Variants in PDE4D observed in about 807,000 individuals in gnomAD.
PDE4D encodes the protein phosphodiesterase 4D.
Under a neutral mutation model 87.4 loss-of-function variants are expected in PDE4D, and 24 were observed. That is an observed-to-expected ratio of 0.27 (90% CI 0.20 to 0.39). The LOEUF is 0.39. PDE4D is among the 10% of genes least tolerant of loss of function. The pLI is 1.00. For missense variants in PDE4D, 714 were observed against 1,041.0 expected, an observed-to-expected ratio of 0.69 and a Z score of 4.32; for synonymous variants, 384 against 383.2, an observed-to-expected ratio of 1.00 and a Z score of -0.02.
At chr5:60,266,444 G>T (rs1750222229) in intron 1 of PDE4D, among the ~76,000 whole-genome samples, 1 of 152,176 alleles carries the variant, frequency 6.6e-6, no homozygotes, top group Non-Finnish European at 1.5e-5. Context: ...ATAGATAAGT[G>T]CTGGTGGGCA....
intron 1 of PDE4D, among the ~76,000 whole-genome samples, chr5:60,512,275 A>C (rs1046955523): frequency 6.6e-6 from 1 of 152,304 alleles, no homozygotes; most frequent in Non-Finnish European, 1.5e-5. Flanking sequence ...ACTTCTTTTA[A>C]CTTAGGTTTA....
At chr5:59,333,884 TTAAG>T (rs1018541745) in intron 1 of PDE4D, among the ~76,000 whole-genome samples, 27 of 151,926 alleles carry the variant, frequency 1.8e-4, no homozygotes, top group Admixed American at 3.3e-4. Flanking sequence ...AGTAATCTCA[TTAAG>T]TAAATATAAA....
chr5:58,995,820 A>G (rs1285884341), intron 6 of PDE4D, among the ~76,000 whole-genome samples: 1 of 152,222 alleles, frequency 6.6e-6, no homozygotes, highest in African/African-American at 2.4e-5. Flanking sequence ...CTATGTCTCA[A>G]AAGCACAGCT....
At chr5:60,174,498 T>C (rs1316410838) in intron 2 of PDE4D, among the ~76,000 whole-genome samples, 1 of 152,006 alleles carries the variant, frequency 6.6e-6, no homozygotes, top group African/African-American at 2.4e-5. Flanking sequence ...TCTGAGGCAA[T>C]AGAGGTGTTG....
At chr5:59,291,197 G>A (rs1444882000) in intron 1 of PDE4D, among the ~76,000 whole-genome samples, 1 of 151,902 alleles carries the variant, frequency 6.6e-6, no homozygotes, top group Non-Finnish European at 1.5e-5. Context: ...CTATCAACAG[G>A]CAAATAGATA....
intron 3 of PDE4D, among the ~76,000 whole-genome samples, chr5:59,932,128 A>G (rs1326935790): frequency 6.6e-6 from 1 of 152,232 alleles, no homozygotes; most frequent in Non-Finnish European, 1.5e-5. Context: ...GAAACCATCC[A>G]CATTCAGGTA....
At chr5:60,465,745 T>C (rs1296990068) in intron 1 of PDE4D, among the ~76,000 whole-genome samples, 2 of 152,084 alleles carry the variant, frequency 1.3e-5, no homozygotes, top group Non-Finnish European at 2.9e-5. Context: ...CTACCAAGAA[T>C]CATAGCTTAG....
rs181685802 is a variant in PDE4D, at chr5:60,297,314, G to T, written c.-89-111627C>A. ...CATTAGAACAGGCTGGTAACAAGGA[G>T]CCTAGGCAAAAACAGAAATATAAAG... On this transcript the variant is annotated intron_variant, in intron 1 of 16. Transcript: ENST00000502484. 3.7e-3 allele frequency among the ~76,000 whole-genome samples: 565 copies of T among 152,208 alleles called. 3 individuals carry two copies. The highest frequency in any genetic ancestry group is 5.4e-3 in the Non-Finnish European group (365 of 68,006).
intron 1 of PDE4D, among the ~76,000 whole-genome samples, chr5:59,496,313 G>A (rs1362864314): frequency 2.0e-5 from 3 of 152,116 alleles, no homozygotes; most frequent in Non-Finnish European, 4.4e-5. Context: ...GGGTCTTGGG[G>A]TTTTTATAGG....
At chr5:59,613,474 T>C (rs930722431) in intron 1 of PDE4D, among the ~76,000 whole-genome samples, 1 of 152,082 alleles carries the variant, frequency 6.6e-6, no homozygotes, top group South Asian at 2.1e-4. Flanking sequence ...GTCTTGTGAT[T>C]AGATGAGGTG....
At chr5:59,742,414 T>C (rs943885604) in intron 1 of PDE4D, among the ~76,000 whole-genome samples, 3 of 152,190 alleles carry the variant, frequency 2.0e-5, no homozygotes, top group African/African-American at 4.8e-5. Context: ...CAAATTATCA[T>C]GTTTAGACAC....
At position 59,009,559 on chromosome 5, in the gene PDE4D, A is replaced by G. The variant is rs575871106; in HGVS notation, c.922-16094T>C. Reference sequence around the variant, plus strand: ...TTATTCATTCTGGCAAGGCAAAACCATAGGGACAATCAGCACTGGACGTGG... The same window carrying G: ...TTATTCATTCTGGCAAGGCAAAACCGTAGGGACAATCAGCACTGGACGTGG... On this transcript the variant is annotated intron_variant, in intron 6 of 14. Transcript: ENST00000340635. Among the ~76,000 whole-genome samples, 339 of 152,268 alleles carry G rather than the reference A, an allele frequency of 2.2e-3. 1 individual carries two copies. Among genetic ancestry groups the G allele is most frequent in the Non-Finnish European group, 3.8e-3 (257 of 67,998 alleles).
intron 1 of PDE4D, among the ~76,000 whole-genome samples, chr5:59,494,247 C>A (rs1806733301): frequency 6.6e-6 from 1 of 152,098 alleles, no homozygotes; most frequent in Non-Finnish European, 1.5e-5. Context: ...TGCAATGTGT[C>A]AGATATGTAA....
intron 10 of PDE4D, among the ~76,000 whole-genome samples, chr5:58,989,157 A>G (rs12522220): frequency 0.092 from 10,877 of 118,170 alleles, 580 homozygotes; most frequent in Admixed American, 0.2. Context: ...ACATTGCCAA[A>G]TGTCCCTGGT....
chr5:60,275,544 A>T (rs1751273670), intron 1 of PDE4D, among the ~76,000 whole-genome samples: 1 of 151,850 alleles, frequency 6.6e-6, no homozygotes, highest in African/African-American at 2.4e-5. Context: ...TGGTAATTTA[A>T]TAGGGTATTG....
intron 1 of PDE4D, among the ~76,000 whole-genome samples, chr5:60,333,001 A>C (rs914810695): frequency 1.3e-5 from 2 of 152,202 alleles, no homozygotes; most frequent in Non-Finnish European, 2.9e-5. Flanking sequence ...GCCCAGGCCA[A>C]GGCTGGCTCT....
intron 1 of PDE4D, among the ~76,000 whole-genome samples, chr5:59,532,102 G>A (rs754761444): frequency 3.9e-5 from 6 of 152,090 alleles, no homozygotes; most frequent in Non-Finnish European, 8.8e-5. Flanking sequence ...ACACATATTT[G>A]AAGTGCAGGC....
chr5:59,822,188 T>C (rs751987093), intron 1 of PDE4D, among the ~76,000 whole-genome samples: 14 of 152,184 alleles, frequency 9.2e-5, no homozygotes, highest in Non-Finnish European at 1.5e-5. Context: ...TTATATGTTA[T>C]TAGAAAGGGC....
chr5:59,403,121 G>C (rs62357468), intron 1 of PDE4D, among the ~76,000 whole-genome samples: 23,799 of 150,830 alleles, frequency 0.16, 2,321 homozygotes, highest in African/African-American at 0.27. Flanking sequence ...AATTTCTGTT[G>C]GTACATAATA....
Sources: gnomAD v4.1 joint callset for allele counts (sites outside exome capture counted in the v4.1 genomes callset) on GRCh38, gnomAD v4.1.1 for gene constraint, MANE v1.5 for transcripts, NCBI Gene and HGNC (gene_info 2026-07-23, HGNC 2026-07-21) for gene names.